The following SLC30A7 variants were observed in gnomAD, a reference collection of about 807,000 sequenced individuals.
SLC30A7 encodes the protein solute carrier family 30 member 7.
Under a neutral mutation model 46.0 loss-of-function variants are expected in SLC30A7, and 35 were observed. The observed-to-expected ratio is 0.76, with a 90% CI of 0.58 to 1.01. The LOEUF (loss-of-function observed/expected upper bound fraction) is 1.01. SLC30A7 is among the 50% of genes least tolerant of loss of function. The probability of loss-of-function intolerance (pLI) is 0.00; values close to 1 mark genes in which losing one functional copy is unlikely to be tolerated. For missense variants in SLC30A7, 464 were observed against 451.1 expected (o/e 1.03, Z -0.26); for synonymous variants, 147 against 157.8 (o/e 0.93, Z 0.51).
At chr1:100,905,146 C>T (rs1483702991) in intron 2 of SLC30A7, among the ~76,000 whole-genome samples, 1 of 152,006 alleles carries the variant, frequency 6.6e-6, no homozygotes, top group Non-Finnish European at 1.5e-5. Flanking sequence ...CTTTGATTTT[C>T]TTATTCCATT....
In SLC30A7 at chr1:100,975,917, A is replaced by G. The variant is rs1656467173; in HGVS notation, c.*1060A>G. 1 of 150,030 alleles carries G rather than the reference A, an allele frequency of 6.7e-6. No individual in the cohort carries two copies. The highest frequency in any genetic ancestry group is 2.5e-5 in the African/African-American group (1 of 40,538). The allele number at this position is 150,030 out of a possible 1,614,324, so 9.3% of individuals were successfully genotyped here. On this transcript the variant is annotated 3_prime_UTR_variant, in exon 11 of 11. Transcript: ENST00000357650. The stretch of plus-strand genomic sequence containing the variant: ...AAGACTATTGCCAGTAATGTATACA[A>G]ATTGTCTTTTTGTGTACTTCCAGCA...
chr1:100,970,156 A>G (rs1054965336), intron 10 of SLC30A7, among the ~76,000 whole-genome samples: 4 of 152,172 alleles, frequency 2.6e-5, no homozygotes, highest in African/African-American at 9.6e-5. Context: ...CCAAAATACC[A>G]AAAGAAGGAT....
At chr1:100,990,508 A>G in the SLC30A7 span, 2 of 1,614,168 alleles carry the variant, frequency 1.2e-6, no homozygotes, top group South Asian at 1.1e-5. Context: ...TCCTGTGATG[A>G]TCAAGGAATG....
chr1:100,938,397 C>T (rs1184235958), intron 8 of SLC30A7, among the ~76,000 whole-genome samples: 2 of 152,084 alleles, frequency 1.3e-5, no homozygotes, highest in African/African-American at 4.8e-5. Flanking sequence ...TTTATTTTGT[C>T]CCCTAAGCAT....
chr1:100,988,806 C>T, the SLC30A7 span, among the ~76,000 whole-genome samples: 3 of 152,012 alleles, frequency 2.0e-5, no homozygotes, highest in East Asian at 1.9e-4. Context: ...GCCAAGATTG[C>T]ACCACTACAC....
chr1:100,984,886 T>C (rs756685843), downstream of SLC30A7, among the ~76,000 whole-genome samples: 2 of 152,172 alleles, frequency 1.3e-5, no homozygotes, highest in Non-Finnish European at 2.9e-5. Flanking sequence ...AAGCGAGCAA[T>C]ACAAAAATGC....
intron 8 of SLC30A7, among the ~76,000 whole-genome samples, chr1:100,950,094 T>A (rs986534049): frequency 1.3e-5 from 2 of 152,224 alleles, no homozygotes; most frequent in African/African-American, 4.8e-5. Context: ...GTCTTCTGCG[T>A]CGATCACGCT....
chr1:100,906,163 A>G lies in SLC30A7; in HGVS notation c.183-689A>G, dbSNP rs532407519. Among the ~76,000 whole-genome samples the G allele has an allele frequency of 1.8e-4, 28 of 152,294 alleles. No homozygotes were observed. The South Asian group carries it at 5.6e-3, about 30-fold the overall frequency. ...CAGTGGTTCCTACTACTTTGTGATT[A>G]GTATTGGATTTGGAGTACTGCAGGA... On this transcript the variant is annotated intron_variant, in intron 2 of 10. Coordinates refer to ENST00000357650, the MANE Select transcript of SLC30A7 (RefSeq NM_133496.5).
intron 6 of SLC30A7, among the ~76,000 whole-genome samples, chr1:100,916,526 A>G (rs1331098498): frequency 6.6e-6 from 1 of 152,120 alleles, no homozygotes; most frequent in Non-Finnish European, 1.5e-5. Context: ...ATGTTTTGAT[A>G]CAGGCATGCA....
At chr1:100,908,397 T>A (rs1651835146) in intron 3 of SLC30A7, among the ~76,000 whole-genome samples, 1 of 152,190 alleles carries the variant, frequency 6.6e-6, no homozygotes, top group African/African-American at 2.4e-5. Flanking sequence ...TGCCGGAACT[T>A]GTCTCTTGGG....
intron 3 of SLC30A7, among the ~76,000 whole-genome samples, chr1:100,907,956 C>T (rs903520839): frequency 2.0e-5 from 3 of 151,854 alleles, no homozygotes; most frequent in African/African-American, 7.3e-5. Flanking sequence ...TTTGTTTTCT[C>T]CTGCTCTTTT....
chr1:100,913,950 GT>G, intron 6 of SLC30A7, 144 bp downstream of exon 6: 1 of 1,232,646 alleles, frequency 8.1e-7, no homozygotes, highest in Non-Finnish European at 1.1e-6. Flanking sequence ...CCCAGGGCTA[GT>G]TTATTTTTTG....
chr1:100,938,258 A>C (rs1406014169), intron 8 of SLC30A7, among the ~76,000 whole-genome samples: 1 of 152,184 alleles, frequency 6.6e-6, no homozygotes, highest in Non-Finnish European at 1.5e-5. Context: ...CTATTTCTAG[A>C]AAAAAATGTC....
At chr1:100,961,390 A>C (rs1655541079) in intron 8 of SLC30A7, among the ~76,000 whole-genome samples, 1 of 152,158 alleles carries the variant, frequency 6.6e-6, no homozygotes, top group Non-Finnish European at 1.5e-5. Context: ...ATTTCACTGC[A>C]TCTGTGGTTA....
At chr1:100,971,871 A>AT (rs1429422872) in intron 10 of SLC30A7, among the ~76,000 whole-genome samples, 1 of 152,104 alleles carries the variant, frequency 6.6e-6, no homozygotes, top group Admixed American at 6.6e-5. Context: ...ATTTCCCTAA[A>AT]TTTTTTACTT....
At chr1:100,934,221 A>G (rs1045427293) in intron 8 of SLC30A7, among the ~76,000 whole-genome samples, 2 of 152,206 alleles carry the variant, frequency 1.3e-5, no homozygotes, top group Non-Finnish European at 2.9e-5. Context: ...TCATGGTTGT[A>G]CAAATAAGTA....
chr1:100,923,374 A>ATT (rs139980349), intron 8 of SLC30A7, among the ~76,000 whole-genome samples: 2 of 151,456 alleles, frequency 1.3e-5, no homozygotes, highest in African/African-American at 4.9e-5. Context: ...ATAAATGGAG[A>ATT]TTTTTTTTTA....
chr1:100,995,396 A>T, the SLC30A7 span: 2 of 384,916 alleles, frequency 5.2e-6, no homozygotes, highest in African/African-American at 2.0e-5. Flanking sequence ...GGAAAAGAAG[A>T]CAAGGGAAAG....
At chr1:100,964,349 C>CGTT (rs1357085928) in intron 9 of SLC30A7, among the ~76,000 whole-genome samples, 59 of 107,918 alleles carry the variant, frequency 5.5e-4, no homozygotes, top group African/African-American at 2.5e-3. Flanking sequence ...GTTATATATA[C>CGTT]ATATACATAT....
Sources: allele counts gnomAD v4.1 joint callset (sites outside exome capture counted in the v4.1 genomes callset), GRCh38; gene constraint gnomAD v4.1.1; transcripts MANE v1.5; gene names NCBI Gene and HGNC (gene_info 2026-07-23, HGNC 2026-07-21).